The following ADGRL3 variants were observed in gnomAD, a reference collection of about 807,000 sequenced individuals.
ADGRL3 encodes the protein adhesion G protein-coupled receptor L3, also known as calcium-independent alpha-latrotoxin receptor 3.
ADGRL3 carries 62 observed loss-of-function variants against 153.5 expected under a neutral mutation model. That is an observed-to-expected ratio of 0.40 (90% CI 0.33 to 0.50). ADGRL3 has a LOEUF of 0.50. ADGRL3 is among the 20% of genes least tolerant of loss of function. ADGRL3 has a pLI of 0.47. For synonymous variants in ADGRL3, 710 were observed against 672.5 expected (o/e 1.06, Z -0.86); for missense variants, 1,641 against 1,859.4 (o/e 0.88, Z 2.16).
rs1479880373 is a variant in ADGRL3, at chr4:62,016,617, G to C, written c.3396-12238G>C. Reference sequence around the variant, plus strand: ...ACTAGAACTTGCTTAATATCTGGTAGGGCGAATCCTCCCATTTTGATCATC... The same window carrying C: ...ACTAGAACTTGCTTAATATCTGGTACGGCGAATCCTCCCATTTTGATCATC... On this transcript the variant is annotated intron_variant, in intron 21 of 26. Transcript: ENST00000683033. Among the ~76,000 whole-genome samples, 3 of 152,150 alleles carry C rather than the reference G, an allele frequency of 2.0e-5. No homozygotes were observed. The East Asian group carries it at 5.8e-4, about 29-fold the overall frequency.
chr4:61,327,069 A>G (rs989566554), intron 1 of ADGRL3, among the ~76,000 whole-genome samples: 1 of 151,948 alleles, frequency 6.6e-6, no homozygotes, highest in African/African-American at 2.4e-5. Flanking sequence ...CAGTCAACCA[A>G]ACTATATATT....
intron 8 of ADGRL3, among the ~76,000 whole-genome samples, chr4:61,808,058 A>G: frequency 6.6e-6 from 1 of 152,102 alleles, no homozygotes; most frequent in Non-Finnish European, 1.5e-5. Context: ...GGACTATGAC[A>G]TGCTCTTCCC....
intron 1 of ADGRL3, among the ~76,000 whole-genome samples, chr4:61,306,321 A>T (rs539952000): frequency 8.1e-4 from 123 of 152,058 alleles, no homozygotes; most frequent in African/African-American, 2.9e-3. Context: ...GATGGTCTCA[A>T]ACTCCTGACC....
chr4:61,677,443 C>G (rs1316965767), intron 6 of ADGRL3: 1 of 351,112 alleles, frequency 2.8e-6, no homozygotes, highest in African/African-American at 2.2e-5. Flanking sequence ...ACTCTTCAGA[C>G]TATATGTTTT....
intron 6 of ADGRL3, 81 bp from the exon 7 acceptor site, chr4:61,730,541 A>T (rs1019922308): frequency 8.5e-6 from 3 of 351,704 alleles, no homozygotes; most frequent in Admixed American, 4.8e-5. Context: ...GGAAGAGGTG[A>T]ATAAAAAGTG....
At chr4:61,434,489 A>G (rs1408589896) in intron 2 of ADGRL3, among the ~76,000 whole-genome samples, 1 of 152,120 alleles carries the variant, frequency 6.6e-6, no homozygotes, top group Non-Finnish European at 1.5e-5. Flanking sequence ...CAGTGCATTC[A>G]TGTAGTGCTA....
chr4:61,642,075 T>C (rs2093703487), intron 5 of ADGRL3, among the ~76,000 whole-genome samples: 1 of 149,578 alleles, frequency 6.7e-6, no homozygotes, highest in Non-Finnish European at 1.5e-5. Flanking sequence ...TTTGGCTGCA[T>C]AAATGTCTTC....
At chr4:61,424,165 A>G (rs1468843847) in intron 2 of ADGRL3, among the ~76,000 whole-genome samples, 1 of 152,054 alleles carries the variant, frequency 6.6e-6, no homozygotes, top group East Asian at 1.9e-4. Flanking sequence ...ACATTTATGC[A>G]CTTCACAGAC....
intron 1 of ADGRL3, among the ~76,000 whole-genome samples, chr4:61,276,494 C>T (rs185892446): frequency 1.2e-4 from 18 of 152,116 alleles, no homozygotes; most frequent in African/African-American, 3.9e-4. Context: ...CACATTTATT[C>T]TTTGTTTTGG....
At chr4:61,451,610 T>C (rs1334464050) in intron 2 of ADGRL3, among the ~76,000 whole-genome samples, 1 of 152,168 alleles carries the variant, frequency 6.6e-6, no homozygotes, top group East Asian at 1.9e-4. Context: ...GGTTTATTCT[T>C]TGAGTTAAAG....
chr4:61,655,822 A>G (rs2094428626), intron 5 of ADGRL3, among the ~76,000 whole-genome samples: 1 of 152,214 alleles, frequency 6.6e-6, no homozygotes, highest in South Asian at 2.1e-4. Context: ...AGTGTACAGT[A>G]AACTTGAATT....
chr4:62,031,662 C>A, intron 23 of ADGRL3, 52 bp downstream of exon 23: 1 of 1,238,880 alleles, frequency 8.1e-7, no homozygotes, highest in Non-Finnish European at 1.1e-6. Context: ...TTCATGATAG[C>A]AAAGCAGCCA....
intron 15 of ADGRL3, among the ~76,000 whole-genome samples, chr4:61,946,506 T>C (rs965144550): frequency 6.6e-6 from 1 of 152,182 alleles, no homozygotes; most frequent in East Asian, 1.9e-4. Context: ...TGATATATTT[T>C]GATAGATTGT....
chr4:61,777,879 T>TCC (rs1479287163), intron 8 of ADGRL3, among the ~76,000 whole-genome samples: 1 of 152,178 alleles, frequency 6.6e-6, no homozygotes, highest in Non-Finnish European at 1.5e-5. Flanking sequence ...TGTAACACAT[T>TCC]GAATCTACTC....
intron 1 of ADGRL3, among the ~76,000 whole-genome samples, chr4:61,313,805 G>T (rs1008335487): frequency 3.3e-5 from 5 of 152,140 alleles, no homozygotes; most frequent in Non-Finnish European, 7.4e-5. Context: ...TTAGTTCCGG[G>T]TCTTAGGTGA....
At chr4:61,666,480 A>G (rs2094798862) in intron 5 of ADGRL3, among the ~76,000 whole-genome samples, 1 of 151,898 alleles carries the variant, frequency 6.6e-6, no homozygotes, top group Non-Finnish European at 1.5e-5. Context: ...TTTGTTGCTC[A>G]GAAAAGAAAA....
At chr4:61,407,928 C>T (rs534514459) in intron 2 of ADGRL3, among the ~76,000 whole-genome samples, 31 of 152,126 alleles carry the variant, frequency 2.0e-4, no homozygotes, top group African/African-American at 7.0e-4. Flanking sequence ...TTTTCCATAA[C>T]AAACATTTTG....
intron 1 of ADGRL3, among the ~76,000 whole-genome samples, chr4:61,236,585 A>G (rs771769344): frequency 4.6e-5 from 7 of 152,226 alleles, no homozygotes; most frequent in African/African-American, 7.2e-5. Context: ...CTAAGGTTAT[A>G]TGTATGAAAT....
chr4:61,730,920 A>C (rs1250544930), intron 7 of ADGRL3, among the ~76,000 whole-genome samples: 1 of 151,668 alleles, frequency 6.6e-6, no homozygotes, highest in Non-Finnish European at 1.5e-5. Context: ...TGGTTGCTTT[A>C]ATTTGTTTTT....
Sources: allele counts gnomAD v4.1 joint callset (sites outside exome capture counted in the v4.1 genomes callset), GRCh38; gene constraint gnomAD v4.1.1; transcripts MANE v1.5; gene names NCBI Gene and HGNC (gene_info 2026-07-23, HGNC 2026-07-21).